Variants in EPM2A observed in about 807,000 individuals in gnomAD.
EPM2A encodes the protein EPM2A glucan phosphatase, laforin.
EPM2A carries 21 observed loss-of-function variants against 26.5 expected under a neutral mutation model. The observed-to-expected ratio is 0.79, with a 90% CI of 0.56 to 1.14. The LOEUF is 1.14. Ranked by LOEUF, EPM2A falls within the 50% of genes most tolerant of loss-of-function variation. The pLI is 0.00. For missense variants in EPM2A, 458 were observed against 440.8 expected (o/e 1.04, Z -0.35); for synonymous variants, 217 against 177.6 (o/e 1.22, Z -1.76).
At chr6:145,724,337 T>C (rs1008639620) in intron 1 of EPM2A, among the ~76,000 whole-genome samples, 9 of 152,138 alleles carry the variant, frequency 5.9e-5, no homozygotes, top group Non-Finnish European at 8.8e-5. Context: ...AAATATACTA[T>C]TTAAAATAGC....
At chr6:145,453,405 C>T (rs1779222044) in intron 4 of EPM2A, among the ~76,000 whole-genome samples, 1 of 151,988 alleles carries the variant, frequency 6.6e-6, no homozygotes, top group African/African-American at 2.4e-5. Flanking sequence ...AAAAAATTCT[C>T]AGAGGTTTTT....
intron 2 of EPM2A, among the ~76,000 whole-genome samples, chr6:145,559,294 T>G (rs1364749425): frequency 6.6e-6 from 1 of 152,088 alleles, no homozygotes; most frequent in Non-Finnish European, 1.5e-5. Context: ...CAGAACTGAG[T>G]GGACTATAGG....
chr6:145,671,389 G>T, intron 2 of EPM2A: 1 of 992,604 alleles, frequency 1.0e-6, no homozygotes, highest in Non-Finnish European at 1.2e-6. Flanking sequence ...TCAGGCCTTT[G>T]GTCCCTGGAT....
intron 2 of EPM2A, among the ~76,000 whole-genome samples, chr6:145,570,220 T>C (rs892635089): frequency 6.6e-6 from 1 of 152,024 alleles, no homozygotes; most frequent in Non-Finnish European, 1.5e-5. Context: ...TACCCTTCAA[T>C]CCAATCAAGT....
intron 4 of EPM2A, among the ~76,000 whole-genome samples, chr6:145,413,238 C>T (rs868610193): frequency 6.6e-6 from 1 of 152,046 alleles, no homozygotes; most frequent in Non-Finnish European, 1.5e-5. Flanking sequence ...GGAGAAACTT[C>T]GTAAAAATGT....
chr6:145,652,881 A>G (rs1777981553), intron 2 of EPM2A, among the ~76,000 whole-genome samples: 1 of 152,110 alleles, frequency 6.6e-6, no homozygotes, highest in Non-Finnish European at 1.5e-5. Context: ...GAAGGGAGGA[A>G]TCTAGATGAC....
At chr6:145,412,206 C>A (rs539351728) in intron 4 of EPM2A, among the ~76,000 whole-genome samples, 233 of 129,376 alleles carry the variant, frequency 1.8e-3, no homozygotes, top group South Asian at 5.0e-3. Context: ...GACACTGAGA[C>A]TCTGTCTCAA....
chr6:145,586,823 T>C (rs1276100479), intron 2 of EPM2A, among the ~76,000 whole-genome samples: 1 of 152,190 alleles, frequency 6.6e-6, no homozygotes, highest in Non-Finnish European at 1.5e-5. Context: ...AAAAAATGCA[T>C]TCTGCTTACT....
intron 4 of EPM2A, among the ~76,000 whole-genome samples, chr6:145,441,320 T>TG (rs1436665990): frequency 1.3e-5 from 2 of 152,326 alleles, no homozygotes; most frequent in Non-Finnish European, 2.9e-5. Flanking sequence ...AGAAGGACCC[T>TG]GGGCCCTAGC....
intron 2 of EPM2A, among the ~76,000 whole-genome samples, chr6:145,646,771 G>C (rs1777502729): frequency 6.6e-6 from 1 of 151,824 alleles, no homozygotes; most frequent in East Asian, 1.9e-4. Context: ...CCCTCTATTG[G>C]AATTCTCTCC....
At chr6:145,640,367 G>A (rs906261234) in intron 2 of EPM2A, 1 of 152,112 alleles carries the variant, frequency 6.6e-6, no homozygotes, top group African/African-American at 2.4e-5. Flanking sequence ...GTGAAAATCA[G>A]CATTATTTTG....
chr6:145,568,466 C>T (rs1023336649), intron 2 of EPM2A, among the ~76,000 whole-genome samples: 14 of 151,860 alleles, frequency 9.2e-5, no homozygotes, highest in African/African-American at 3.1e-4. Flanking sequence ...ATTACAGGCA[C>T]GTGCCACCAC....
chr6:145,469,470 G>A (rs113428558), intron 4 of EPM2A, among the ~76,000 whole-genome samples: 55 of 152,100 alleles, frequency 3.6e-4, no homozygotes, highest in African/African-American at 1.3e-3. Flanking sequence ...AATCTACAAT[G>A]AGATATCATC....
At chr6:145,636,761 A>T (rs1474812991) in intron 2 of EPM2A, 1 of 151,924 alleles carries the variant, frequency 6.6e-6, no homozygotes, top group Non-Finnish European at 1.5e-5. Context: ...CGTCTCTAGT[A>T]AAATTACAAA....
In EPM2A at chr6:145,627,447, C is replaced by T; in HGVS notation, c.965G>A (p.Gly322Glu). ...RAQEDFFQKF[G>E]KVRSSVCSL ...GCTACACACAGAAGAACGAACCTTCCCAAATTTCTGGAAAAAATCTTCTTG... is the reference window on the plus strand; with the variant it reads ...GCTACACACAGAAGAACGAACCTTCTCAAATTTCTGGAAAAAATCTTCTTG... The change falls in exon 4 of 4, where the codon GGG (glycine) becomes GAG (glutamate). Residue 322 changes from glycine (G) to glutamate (E), a missense_variant. By Grantham distance (98) the Gly-to-Glu change is moderately conservative. Coordinates refer to ENST00000367519, the MANE Select transcript of EPM2A (RefSeq NM_005670.4). 1 of 1,614,242 alleles carries T rather than the reference C, an allele frequency of 6.2e-7. No individual in the cohort carries two copies. Among genetic ancestry groups the T allele is most frequent in the South Asian group, 1.1e-5 (1 of 91,086 alleles).
At chr6:145,580,838 AG>A (rs1781103095) in intron 2 of EPM2A, among the ~76,000 whole-genome samples, 1 of 152,174 alleles carries the variant, frequency 6.6e-6, no homozygotes, top group African/African-American at 2.4e-5. Context: ...GTTGCTGCAA[AG>A]GACATGATCT....
In EPM2A at chr6:145,710,553, G is replaced by A. The variant is rs534379966; in HGVS notation, c.302-24257C>T. 2.5e-3 allele frequency among the ~76,000 whole-genome samples: 376 copies of A among 152,346 alleles called. 4 individuals carry two copies. The highest frequency in any genetic ancestry group is 8.5e-3 in the African/African-American group (353 of 41,584). ...GTAAACTAGTTCAACCCTTGTGGAA[G>A]TCAGTGTGGCGATTCCTCAGGGATC... On this transcript the variant is annotated intron_variant, in intron 1 of 3. Transcript: ENST00000367519.
chr6:145,559,257 A>G (rs781221966), intron 2 of EPM2A, among the ~76,000 whole-genome samples: 5 of 152,120 alleles, frequency 3.3e-5, no homozygotes, highest in South Asian at 2.1e-4. Flanking sequence ...GGCAATGCCT[A>G]GAGCCTAGGG....
intron 1 of EPM2A, chr6:145,734,948 G>A (rs975578901): frequency 7.2e-6 from 2 of 276,082 alleles, no homozygotes; most frequent in Admixed American, 5.4e-5. Context: ...CAGAGTGGGC[G>A]GGAAGGCGGC....
Sources: gnomAD v4.1 joint callset for allele counts (sites outside exome capture counted in the v4.1 genomes callset) on GRCh38, gnomAD v4.1.1 for gene constraint, MANE v1.5 for transcripts, NCBI Gene and HGNC (gene_info 2026-07-23, HGNC 2026-07-21) for gene names.